Variants in OXR1 observed in about 807,000 individuals in gnomAD.
OXR1 encodes oxidation resistance protein 1.
Under a neutral mutation model 104.6 loss-of-function variants are expected in OXR1, and 41 were observed. That is an observed-to-expected ratio of 0.39 (90% CI 0.31 to 0.51). OXR1 has a LOEUF of 0.51. OXR1 is among the 20% of genes least tolerant of loss of function. The pLI, the probability that OXR1 is intolerant of heterozygous loss-of-function variation, is 0.77. For missense variants in OXR1, 955 were observed against 1,031.9 expected, an observed-to-expected ratio of 0.93 and a Z score of 1.02; for synonymous variants, 348 against 348.4, an observed-to-expected ratio of 1.00 and a Z score of 0.01.
chr8:106,365,855 C>T lies in OXR1; in HGVS notation c.23+6219C>T, dbSNP rs555205708. 5.9e-5 allele frequency among the ~76,000 whole-genome samples: 9 copies of T among 152,236 alleles called. No individual in the cohort carries two copies. The South Asian group carries it at 1.0e-3, about 18-fold the overall frequency. ...TATATTTTAATTTTGTCTTTAAAAA[C>T]TAATGCCAACTAGACATAAATCACA... On this transcript the variant is annotated intron_variant, in intron 2 of 16. Transcript: ENST00000517566.
intron 2 of OXR1, among the ~76,000 whole-genome samples, chr8:106,402,625 T>C (rs1290023761): frequency 6.6e-6 from 1 of 152,162 alleles, no homozygotes; most frequent in Non-Finnish European, 1.5e-5. Flanking sequence ...TCAAAACCAG[T>C]GTCCAGTATT....
chr8:106,692,259 A>G (rs1214845411), intron 6 of OXR1, among the ~76,000 whole-genome samples: 1 of 151,956 alleles, frequency 6.6e-6, no homozygotes, highest in Non-Finnish European at 1.5e-5. Context: ...ATTCCAGTGA[A>G]TGGGTTCTGC....
intron 1 of OXR1, among the ~76,000 whole-genome samples, chr8:106,303,202 T>C (rs1168845844): frequency 2.0e-5 from 3 of 151,778 alleles, no homozygotes; most frequent in Middle Eastern, 6.8e-3. Context: ...GAATCAACTT[T>C]ATTGGATGCT....
At chr8:106,703,516 CT>C (rs35466416) in intron 8 of OXR1, among the ~76,000 whole-genome samples, 214 of 145,558 alleles carry the variant, frequency 1.5e-3, no homozygotes, top group East Asian at 3.6e-3. Context: ...GGCAAGACAG[CT>C]TTTTTTTTTT....
intron 2 of OXR1, among the ~76,000 whole-genome samples, chr8:106,487,818 A>G (rs1332225575): frequency 1.3e-5 from 2 of 151,622 alleles, no homozygotes; most frequent in Non-Finnish European, 2.9e-5. Flanking sequence ...AATCCAGTCT[A>G]TCATTGTTGG....
At chr8:106,330,539 T>A (rs1814666138) in intron 1 of OXR1, among the ~76,000 whole-genome samples, 1 of 152,330 alleles carries the variant, frequency 6.6e-6, no homozygotes, top group South Asian at 2.1e-4. Context: ...ATTTCTAGGG[T>A]TATTAGAGAA....
Position 106,285,864 on chromosome 8 carries a change from T to G in OXR1, c.-139+15497T>G, listed in dbSNP as rs73698800. 4.1e-3 allele frequency among the ~76,000 whole-genome samples: 500 copies of G among 121,178 alleles called. 2 individuals are homozygous for G. The highest frequency in any genetic ancestry group is 0.013 in the African/African-American group (388 of 29,786). 79.5% of individuals were successfully genotyped at this position (121,178 alleles called of 152,430 possible). A position where few individuals can be genotyped will look rare whatever the true frequency, so the allele number is the denominator to read the frequency against. On this transcript the variant is annotated intron_variant, in intron 1 of 16. Coordinates refer to ENST00000517566, the MANE Select transcript of OXR1 (RefSeq NM_001198533.2). ...TTCTGTTTTTGAGACTGTACTTCTG[T>G]GAATGTGTGTCTTTATGCATCATTC... is the stretch of plus-strand genomic sequence containing the variant.
intron 2 of OXR1, among the ~76,000 whole-genome samples, chr8:106,439,536 CT>C (rs371457136): frequency 1.3e-5 from 2 of 151,946 alleles, no homozygotes; most frequent in African/African-American, 2.4e-5. Flanking sequence ...ATTTGCTTTC[CT>C]TTTTTTCTGA....
chr8:106,432,393 C>T (rs748226069), intron 2 of OXR1, among the ~76,000 whole-genome samples: 4 of 152,178 alleles, frequency 2.6e-5, no homozygotes, highest in African/African-American at 9.6e-5. Context: ...TGCCAGCCCT[C>T]CTGTTCCTGC....
chr8:106,514,732 CT>C (rs1812752047), intron 2 of OXR1, among the ~76,000 whole-genome samples: 1 of 152,004 alleles, frequency 6.6e-6, no homozygotes. Flanking sequence ...CAATATGAGA[CT>C]TTAGATCAAT....
At chr8:106,321,434 A>AG (rs1278715715) in intron 1 of OXR1, among the ~76,000 whole-genome samples, 1 of 152,150 alleles carries the variant, frequency 6.6e-6, no homozygotes, top group Admixed American at 6.5e-5. Flanking sequence ...GCAGGGACAG[A>AG]TAGGAGACAG....
At chr8:106,682,235 C>T (rs1191576316) in intron 4 of OXR1, among the ~76,000 whole-genome samples, 1 of 149,864 alleles carries the variant, frequency 6.7e-6, no homozygotes, top group Non-Finnish European at 1.5e-5. Flanking sequence ...CTTTTAGTTG[C>T]ACTTATTTGT....
At chr8:106,517,595 A>G (rs921143213) in intron 2 of OXR1, among the ~76,000 whole-genome samples, 6 of 152,044 alleles carry the variant, frequency 3.9e-5, no homozygotes, top group African/African-American at 4.8e-5. Flanking sequence ...CAGAATTCCA[A>G]TCGCTTCTCA....
intron 3 of OXR1, among the ~76,000 whole-genome samples, chr8:106,573,344 T>TAC (rs3046716): frequency 0.18 from 26,280 of 146,484 alleles, 2,579 homozygotes; most frequent in East Asian, 0.25. Flanking sequence ...AACCATCACA[T>TAC]ACACACACAC....
intron 2 of OXR1, among the ~76,000 whole-genome samples, chr8:106,375,879 T>C (rs550657243): frequency 5.4e-4 from 82 of 152,234 alleles, no homozygotes; most frequent in South Asian, 1.0e-3. Context: ...TGTGGTGCCT[T>C]AGCTCTGCTG....
chr8:106,336,549 G>A (rs143556729), intron 1 of OXR1, among the ~76,000 whole-genome samples: 69 of 152,252 alleles, frequency 4.5e-4, no homozygotes, highest in Non-Finnish European at 9.3e-4. Context: ...ATATAGACTT[G>A]TGCCTACATT....
intron 3 of OXR1, among the ~76,000 whole-genome samples, chr8:106,672,278 G>A (rs992851541): frequency 6.7e-6 from 1 of 149,608 alleles, no homozygotes; most frequent in African/African-American, 2.5e-5. Flanking sequence ...AGGAGTTTGA[G>A]ACCAGCCTGA....
At position 106,435,066 on chromosome 8, in the gene OXR1, T is replaced by A. The variant is rs191173980; in HGVS notation, c.23+75430T>A. Among the ~76,000 whole-genome samples, 19 of 152,122 alleles carry A rather than the reference T, an allele frequency of 1.2e-4. No individual in the cohort carries two copies. The East Asian group carries it at 3.5e-3, about 28-fold the overall frequency. On this transcript the variant is annotated intron_variant, in intron 2 of 16. Coordinates refer to ENST00000517566, the MANE Select transcript of OXR1 (RefSeq NM_001198533.2). ...GGTGTCACCTCTAAGGAAGTAACAGTCAAGATAAGAGCTGAATGAGGGATC... is the reference window on the plus strand; with the variant it reads ...GGTGTCACCTCTAAGGAAGTAACAGACAAGATAAGAGCTGAATGAGGGATC...
At chr8:106,665,303 G>A (rs1477778955) in intron 3 of OXR1, among the ~76,000 whole-genome samples, 2 of 152,178 alleles carry the variant, frequency 1.3e-5, no homozygotes, top group Non-Finnish European at 2.9e-5. Flanking sequence ...GGGAACTGGA[G>A]TACCTGGAGA....
Sources: allele counts gnomAD v4.1 joint callset (sites outside exome capture counted in the v4.1 genomes callset), GRCh38; gene constraint gnomAD v4.1.1; transcripts MANE v1.5; gene names NCBI Gene and HGNC (gene_info 2026-07-23, HGNC 2026-07-21).